BLTP1: variants seen among roughly 807,000 people sequenced by gnomAD.
The protein encoded by BLTP1 is bridge-like lipid transfer protein family member 1.
At chr4:122,154,367 G>C in the BLTP1 span, 2 of 984,522 alleles carry the variant, frequency 2.0e-6, no homozygotes, top group Admixed American at 6.2e-5. Flanking sequence ...CTAGGGAATG[G>C]GGGTGGGGTG....
chr4:122,332,844 T>C, the BLTP1 span, among the ~76,000 whole-genome samples: 1 of 117,018 alleles, frequency 8.5e-6, no homozygotes, highest in Non-Finnish European at 1.7e-5. Context: ...TGTGATCTCA[T>C]TGTTCAATTC....
chr4:122,325,191 GA>G, the BLTP1 span: 1 of 1,540,304 alleles, frequency 6.5e-7, no homozygotes, highest in South Asian at 1.2e-5. Context: ...TTTTTTTAAT[GA>G]GAATATTGGT....
At chr4:122,219,218 G>A in the BLTP1 span, 3 of 1,452,776 alleles carry the variant, frequency 2.1e-6, no homozygotes, top group Admixed American at 7.5e-5. Flanking sequence ...CAATAGGCCT[G>A]ATGCCTTTTT....
chr4:122,343,301 TTGAG>T, the BLTP1 span: 1 of 1,372,692 alleles, frequency 7.3e-7, no homozygotes, highest in South Asian at 1.4e-5. Flanking sequence ...GATCTGATGT[TTGAG>T]TGTTTCCATT....
At chr4:122,182,973 T>A in the BLTP1 span, 2 of 984,250 alleles carry the variant, frequency 2.0e-6, no homozygotes, top group Non-Finnish European at 2.4e-6. Flanking sequence ...TGTATTCTGG[T>A]GAGGAGCAAT....
the BLTP1 span, chr4:122,243,906 A>T: frequency 6.2e-7 from 1 of 1,609,100 alleles, no homozygotes; most frequent in Non-Finnish European, 8.5e-7. Context: ...AGATGATGAA[A>T]CATTAACAGA....
chr4:122,237,554 T>G, the BLTP1 span: 757 of 464,624 alleles, frequency 1.6e-3, 2 homozygotes, highest in African/African-American at 0.014. Context: ...ATGGGGTTCT[T>G]TGTACTATTC....
chr4:122,275,472 A>G, the BLTP1 span, among the ~76,000 whole-genome samples: 1 of 152,128 alleles, frequency 6.6e-6, no homozygotes, highest in Admixed American at 6.5e-5. Context: ...TTTACTCTAA[A>G]TTTGAAGTAC....
the BLTP1 span, among the ~76,000 whole-genome samples, chr4:122,348,194 T>C: frequency 1.3e-5 from 2 of 152,274 alleles, no homozygotes; most frequent in African/African-American, 4.8e-5. Flanking sequence ...GCATCTGCAT[T>C]TCAGAATGGT....
chr4:122,352,953 A>G, the BLTP1 span: 1 of 1,614,058 alleles, frequency 6.2e-7, no homozygotes, highest in Non-Finnish European at 8.5e-7. Context: ...TGAAGGTGGT[A>G]TCAGGATGCC....
chr4:122,336,465 G>A, the BLTP1 span: 1 of 779,738 alleles, frequency 1.3e-6, no homozygotes, highest in Non-Finnish European at 1.9e-6. Flanking sequence ...AATTATAAAT[G>A]TTAAAGAATT....
the BLTP1 span, chr4:122,250,849 A>G: frequency 3.8e-6 from 3 of 789,398 alleles, no homozygotes; most frequent in African/African-American, 5.6e-5. Context: ...TGAATTAATA[A>G]ATTAACAAAA....
chr4:122,315,532 TCCTAA>T, the BLTP1 span: 1 of 1,614,128 alleles, frequency 6.2e-7, no homozygotes, highest in Non-Finnish European at 8.5e-7. Flanking sequence ...TTCACATGGA[TCCTAA>T]CATTGGCAAA....
chr4:122,256,878 G>A, the BLTP1 span: 1 of 270,926 alleles, frequency 3.7e-6, no homozygotes, highest in Non-Finnish European at 5.7e-6. Flanking sequence ...CTTCCTCTTT[G>A]CTTATTGAAT....
the BLTP1 span, among the ~76,000 whole-genome samples, chr4:122,265,847 G>A: frequency 2.0e-5 from 3 of 152,056 alleles, no homozygotes; most frequent in South Asian, 4.1e-4. Context: ...ACAGGCACCC[G>A]CCACTATGCC....
the BLTP1 span, among the ~76,000 whole-genome samples, chr4:122,245,836 A>T: frequency 6.6e-6 from 1 of 152,138 alleles, no homozygotes; most frequent in Non-Finnish European, 1.5e-5. Flanking sequence ...GGGGCCAATT[A>T]TCAGAAACCA....
chr4:122,339,744 A>G, the BLTP1 span, among the ~76,000 whole-genome samples: 2 of 152,178 alleles, frequency 1.3e-5, no homozygotes, highest in Non-Finnish European at 2.9e-5. Flanking sequence ...ATCTTAAGCT[A>G]CATTTGACAT....
chr4:122,166,234 T>G, the BLTP1 span, among the ~76,000 whole-genome samples: 1 of 152,164 alleles, frequency 6.6e-6, no homozygotes, highest in Admixed American at 6.5e-5. Context: ...TTAATCCATC[T>G]TGAATTAATT....
chr4:122,327,950 G>A, the BLTP1 span: 1 of 494,364 alleles, frequency 2.0e-6, no homozygotes, highest in South Asian at 5.2e-5. Context: ...CTTCCTTGGT[G>A]TACTATTTCA....
Sources: allele counts gnomAD v4.1 joint callset (sites outside exome capture counted in the v4.1 genomes callset), GRCh38; gene constraint gnomAD v4.1.1; transcripts MANE v1.5; gene names NCBI Gene and HGNC (gene_info 2026-07-23, HGNC 2026-07-21).